The following EIF4G3 variants were observed in gnomAD, a reference collection of about 807,000 sequenced individuals.
EIF4G3 encodes the protein eIF-4-gamma 3.
In EIF4G3, 34 loss-of-function variants were observed where a neutral mutation model predicts 186.4. The observed-to-expected ratio is 0.18, with a 90% CI of 0.14 to 0.24. The LOEUF (loss-of-function observed/expected upper bound fraction) is 0.24, where lower values mean the gene tolerates loss of function less well. EIF4G3 is among the 10% of genes least tolerant of loss of function. EIF4G3 has a pLI of 1.00. For synonymous variants in EIF4G3, 673 were observed against 679.5 expected (o/e 0.99, Z 0.15); for missense variants, 1,536 against 1,948.5 (o/e 0.79, Z 3.99).
intron 13 of EIF4G3, among the ~76,000 whole-genome samples, chr1:20,947,265 G>T (rs924525993): frequency 1.3e-5 from 2 of 151,860 alleles, no homozygotes; most frequent in Non-Finnish European, 2.9e-5. Context: ...GACTGCTTGA[G>T]CCTGGGAGGT....
At chr1:20,849,350 A>AAC (rs1351223968) in intron 29 of EIF4G3, 65 bp downstream of exon 29, 1 of 851,280 alleles carries the variant, frequency 1.2e-6, no homozygotes, top group African/African-American at 1.8e-5. Context: ...TTTAGACCAG[A>AAC]ACCAAGTTAT....
At chr1:20,933,461 C>A (rs1319453206) in intron 14 of EIF4G3, among the ~76,000 whole-genome samples, 2 of 152,052 alleles carry the variant, frequency 1.3e-5, no homozygotes, top group African/African-American at 4.8e-5. Context: ...TTGAGATCAG[C>A]CTGACAAACA....
At chr1:21,173,111 C>T (rs2098019757) in intron 2 of EIF4G3, among the ~76,000 whole-genome samples, 1 of 126,742 alleles carries the variant, frequency 7.9e-6, no homozygotes, top group Non-Finnish European at 1.6e-5. Context: ...TATACTCCAG[C>T]CTGGCAACAG....
At chr1:21,026,242 C>A (rs2154571433) in intron 4 of EIF4G3, among the ~76,000 whole-genome samples, 1 of 152,172 alleles carries the variant, frequency 6.6e-6, no homozygotes, top group African/African-American at 2.4e-5. Context: ...AATAAACCCA[C>A]AAATATATGT....
chr1:20,976,337 C>T (rs1558522213), intron 10 of EIF4G3, among the ~76,000 whole-genome samples: 1 of 150,854 alleles, frequency 6.6e-6, no homozygotes, highest in Non-Finnish European at 1.5e-5. Context: ...TCCCCCCACC[C>T]CACAACAGGC....
chr1:21,146,298 A>C (rs1386244776), intron 2 of EIF4G3, among the ~76,000 whole-genome samples: 1 of 151,998 alleles, frequency 6.6e-6, no homozygotes, highest in African/African-American at 2.4e-5. Context: ...TGAAGCTGAA[A>C]GCTGAGGTGA....
At chr1:20,830,186 G>A (rs537470949) in intron 30 of EIF4G3, among the ~76,000 whole-genome samples, 1 of 152,248 alleles carries the variant, frequency 6.6e-6, no homozygotes, top group Non-Finnish European at 1.5e-5. Flanking sequence ...TGTAAAACGT[G>A]TGCTTTTCCA....
intron 14 of EIF4G3, among the ~76,000 whole-genome samples, chr1:20,932,276 T>G (rs1166910184): frequency 6.6e-6 from 1 of 152,216 alleles, no homozygotes; most frequent in African/African-American, 2.4e-5. Flanking sequence ...AAGGGAATGT[T>G]GTGGCTGGTT....
At chr1:20,854,576 G>GGGA (rs1177014463) in intron 26 of EIF4G3, among the ~76,000 whole-genome samples, 2 of 151,042 alleles carry the variant, frequency 1.3e-5, no homozygotes, top group Non-Finnish European at 1.5e-5. Flanking sequence ...GTGATGGCGT[G>GGGA]CACCTGTAGT....
At chr1:20,892,182 G>A (rs1274819605) in intron 18 of EIF4G3, among the ~76,000 whole-genome samples, 2 of 152,086 alleles carry the variant, frequency 1.3e-5, no homozygotes, top group African/African-American at 4.8e-5. Context: ...AAGGTGATGC[G>A]GAAACAAAAA....
intron 16 of EIF4G3, among the ~76,000 whole-genome samples, chr1:20,899,025 C>T (rs1338317072): frequency 1.3e-5 from 2 of 152,176 alleles, no homozygotes; most frequent in African/African-American, 4.8e-5. Flanking sequence ...CCACCGCACC[C>T]AGCCCAAACT....
intron 4 of EIF4G3, among the ~76,000 whole-genome samples, chr1:21,049,423 G>A (rs1317815534): frequency 6.6e-6 from 1 of 152,110 alleles, no homozygotes; most frequent in Non-Finnish European, 1.5e-5. Context: ...AAGTTGAGAG[G>A]TTGTGTTCAG....
intron 4 of EIF4G3, among the ~76,000 whole-genome samples, chr1:21,024,881 T>G (rs1307415119): frequency 7.4e-6 from 1 of 134,452 alleles, no homozygotes; most frequent in Admixed American, 7.6e-5. Flanking sequence ...ACCCAATAAT[T>G]ATCAATAAAA....
chr1:20,907,298 A>G (rs1253558258), intron 14 of EIF4G3, among the ~76,000 whole-genome samples: 1 of 152,212 alleles, frequency 6.6e-6, no homozygotes, highest in Non-Finnish European at 1.5e-5. Flanking sequence ...AAACTCTTAC[A>G]GACACATTTA....
Position 21,144,557 on chromosome 1 carries a change from C to T in EIF4G3, c.-272+31618G>A, listed in dbSNP as rs145644204. Among the ~76,000 whole-genome samples, 270 of 152,106 alleles carry T rather than the reference C, an allele frequency of 1.8e-3. 1 individual carries two copies. Among genetic ancestry groups the T allele is most frequent in the African/African-American group, 6.1e-3 (252 of 41,486 alleles). On this transcript the variant is annotated intron_variant, in intron 2 of 36. Coordinates refer to ENST00000602326, the MANE Select transcript of EIF4G3 (RefSeq NM_001391906.1). ...CAGGCATGAGCCACTGGTTCCTGAC[C>T]CTGCTTCAATCATTTTTATGGATGA... is the stretch of plus-strand genomic sequence containing the variant.
chr1:20,956,524 A>G (rs2096423662), intron 12 of EIF4G3, among the ~76,000 whole-genome samples: 2 of 146,502 alleles, frequency 1.4e-5, no homozygotes, highest in Admixed American at 1.4e-4. Context: ...GGACTTGCTG[A>G]TGTAATGACT....
intron 2 of EIF4G3, among the ~76,000 whole-genome samples, chr1:21,118,618 T>C (rs2096870455): frequency 6.6e-6 from 1 of 151,872 alleles, no homozygotes; most frequent in African/African-American, 2.4e-5. Context: ...AAACCCCGTC[T>C]CTACTAAAAA....
chr1:21,145,653 T>C (rs2097426725), intron 2 of EIF4G3, among the ~76,000 whole-genome samples: 1 of 152,178 alleles, frequency 6.6e-6, no homozygotes, highest in South Asian at 2.1e-4. Flanking sequence ...AACATAAATA[T>C]TCAAGTGTGA....
At chr1:21,106,432 T>C (rs774023669) in intron 2 of EIF4G3, among the ~76,000 whole-genome samples, 1 of 152,038 alleles carries the variant, frequency 6.6e-6, no homozygotes, top group Non-Finnish European at 1.5e-5. Flanking sequence ...AGCTATTGCA[T>C]AAGAGGCATG....
Sources: gnomAD v4.1 joint callset for allele counts (sites outside exome capture counted in the v4.1 genomes callset) on GRCh38, gnomAD v4.1.1 for gene constraint, MANE v1.5 for transcripts, NCBI Gene and HGNC (gene_info 2026-07-23, HGNC 2026-07-21) for gene names.